Variants in ADGRV1 observed in about 807,000 individuals in gnomAD.
ADGRV1 encodes the protein G-protein coupled receptor 98.
Under a neutral mutation model 596.2 loss-of-function variants are expected in ADGRV1, and 359 were observed. The ratio of observed to expected loss-of-function variants is 0.60; its 90% CI spans 0.55 to 0.66. The LOEUF (loss-of-function observed/expected upper bound fraction) is 0.66. ADGRV1 is among the 30% of genes least tolerant of loss of function. The pLI is 0.00. For missense variants in ADGRV1, 7,274 were observed against 7,575.6 expected, an observed-to-expected ratio of 0.96 and a Z score of 1.48; for synonymous variants, 2,681 against 2,679.2, an observed-to-expected ratio of 1.00 and a Z score of -0.02.
chr5:90,948,158 CT>C (rs1374308657), intron 83 of ADGRV1, among the ~76,000 whole-genome samples: 3 of 152,100 alleles, frequency 2.0e-5, no homozygotes, highest in African/African-American at 7.2e-5. Context: ...AGTTAAGTAA[CT>C]TCCCTGACAT....
intron 75 of ADGRV1, among the ~76,000 whole-genome samples, chr5:90,816,097 A>G (rs1166776319): frequency 6.6e-6 from 1 of 152,204 alleles, no homozygotes; most frequent in Non-Finnish European, 1.5e-5. Flanking sequence ...TAGCATCTTT[A>G]GATGCTCATC....
intron 85 of ADGRV1, among the ~76,000 whole-genome samples, chr5:91,008,979 C>T (rs1782510405): frequency 6.6e-6 from 1 of 152,062 alleles, no homozygotes; most frequent in Non-Finnish European, 1.5e-5. Flanking sequence ...AGAAAAAATT[C>T]ATATTTGTAG....
At chr5:90,742,195 C>A (rs778407954) in intron 50 of ADGRV1, among the ~76,000 whole-genome samples, 1 of 152,148 alleles carries the variant, frequency 6.6e-6, no homozygotes, top group Non-Finnish European at 1.5e-5. Flanking sequence ...TATAATCATA[C>A]ATATAAGTTT....
chr5:90,970,549 A>G (rs2150987850), intron 84 of ADGRV1, among the ~76,000 whole-genome samples: 1 of 147,872 alleles, frequency 6.8e-6, no homozygotes, highest in East Asian at 2.0e-4. Flanking sequence ...TGAGGCAGCA[A>G]CATTTGCTGT....
chr5:90,689,178 T>A (rs1481736922), intron 29 of ADGRV1, among the ~76,000 whole-genome samples: 1 of 152,038 alleles, frequency 6.6e-6, no homozygotes, highest in African/African-American at 2.4e-5. Context: ...ACCAGGCCCA[T>A]CTAATACCTA....
chr5:90,802,623 T>C (rs1761493284), intron 70 of ADGRV1, 116 bp from the exon 71 acceptor site: 1 of 799,126 alleles, frequency 1.3e-6, no homozygotes, highest in Non-Finnish European at 2.0e-6. Flanking sequence ...AGTGCATGTA[T>C]TGATGAAACT....
chr5:90,982,496 A>G lies in ADGRV1; in HGVS notation c.17974-2848A>G, dbSNP rs553552049. Among the ~76,000 whole-genome samples, 6 of 152,356 alleles carry G rather than the reference A, an allele frequency of 3.9e-5. No individual in the cohort carries two copies. The East Asian group carries it at 5.8e-4, about 15-fold the overall frequency. On this transcript the variant is annotated intron_variant, in intron 84 of 89. Coordinates refer to ENST00000405460, the MANE Select transcript of ADGRV1 (RefSeq NM_032119.4). Reference sequence around the variant, plus strand: ...CAAGTTTTGGGTGGAAGAAGAAAGAAAAACTAAGTTAACTAAGTTGAGCTA... The same window carrying G: ...CAAGTTTTGGGTGGAAGAAGAAAGAGAAACTAAGTTAACTAAGTTGAGCTA...
At chr5:90,734,003 G>A (rs1185278431) in intron 50 of ADGRV1, among the ~76,000 whole-genome samples, 1 of 152,126 alleles carries the variant, frequency 6.6e-6, no homozygotes, top group African/African-American at 2.4e-5. Flanking sequence ...TCCGCAACTA[G>A]TGAGATCATG....
intron 25 of ADGRV1, chr5:90,676,796 T>G (rs1454851340): frequency 6.6e-6 from 1 of 152,252 alleles, no homozygotes; most frequent in Non-Finnish European, 1.5e-5. Context: ...CGCTGTAAAA[T>G]CTGGTCCTTT....
At chr5:90,890,488 C>T (rs1169006366) in intron 83 of ADGRV1, among the ~76,000 whole-genome samples, 2 of 152,078 alleles carry the variant, frequency 1.3e-5, no homozygotes, top group East Asian at 3.8e-4. Context: ...AGTCATAAAA[C>T]CCAGTGCTCA....
intron 83 of ADGRV1, among the ~76,000 whole-genome samples, chr5:90,890,509 C>T (rs1042921697): frequency 6.6e-6 from 1 of 152,098 alleles, no homozygotes; most frequent in Non-Finnish European, 1.5e-5. Flanking sequence ...GTTCACCCAC[C>T]TGTTAAATGA....
At chr5:90,954,620 A>G (rs1278223969) in intron 83 of ADGRV1, among the ~76,000 whole-genome samples, 2 of 152,154 alleles carry the variant, frequency 1.3e-5, no homozygotes, top group Non-Finnish European at 2.9e-5. Context: ...AACATTTGAT[A>G]TATTTGTGCA....
intron 21 of ADGRV1, among the ~76,000 whole-genome samples, chr5:90,671,570 G>A (rs770029517): frequency 1.3e-5 from 2 of 152,174 alleles, no homozygotes; most frequent in East Asian, 1.9e-4. Context: ...GACTATTGTC[G>A]GTTTGTAGAC....
intron 21 of ADGRV1, among the ~76,000 whole-genome samples, chr5:90,663,689 T>C (rs1344308577): frequency 6.6e-6 from 1 of 152,230 alleles, no homozygotes; most frequent in East Asian, 1.9e-4. Flanking sequence ...TCCTTGCCCA[T>C]GCCTGTGTCC....
chr5:90,685,703 G>A lies in ADGRV1; in HGVS notation c.6275-77G>A, dbSNP rs974366203. 184 of 910,018 alleles carry A rather than the reference G, an allele frequency of 2.0e-4. 1 individual carries two copies. In the Admixed American group the frequency reaches 3.7e-3, roughly 18 times the overall value. The allele number at this position is 910,018 out of a possible 1,614,324, so 56.4% of individuals were successfully genotyped here. ...TATTTGGCTGATGGAATCTTGCTGA[G>A]GTTTCTTGATGACTTTTGGCCAGTT... On this transcript the variant is annotated intron_variant, in intron 28 of 89. Transcript: ENST00000405460.
chr5:90,879,559 G>T lies in ADGRV1; in HGVS notation c.17856+15702G>T, dbSNP rs566173473. Among the ~76,000 whole-genome samples the T allele has an allele frequency of 1.1e-3, 173 of 151,882 alleles. 2 individuals carry two copies. Among genetic ancestry groups the T allele is most frequent in the African/African-American group, 4.0e-3 (166 of 41,450 alleles). ...ATGACCTTTTCCCATTTCCTTTTGAGTTTCTTAAAATTTCAATTTTCTCCT... is the reference window on the plus strand; with the variant it reads ...ATGACCTTTTCCCATTTCCTTTTGATTTTCTTAAAATTTCAATTTTCTCCT... On this transcript the variant is annotated intron_variant, in intron 83 of 89. Transcript: ENST00000405460.
At position 90,728,951 on chromosome 5, in the gene ADGRV1, T is replaced by A; in HGVS notation, c.10426+18T>A. 6.6e-7 allele frequency: 1 copy of A among 1,512,234 alleles called. No individual in the cohort carries two copies. Among genetic ancestry groups the A allele is most frequent in the Non-Finnish European group, 9.1e-7 (1 of 1,097,752 alleles). The allele number at this position is 1,512,234 out of a possible 1,614,324, so 93.7% of individuals were successfully genotyped here. A position where few individuals can be genotyped will look rare whatever the true frequency, so the allele number is the denominator to read the frequency against. On this transcript the variant is annotated intron_variant, in intron 49 of 89. Coordinates refer to ENST00000405460, the MANE Select transcript of ADGRV1 (RefSeq NM_032119.4). ...CTTTCTAGGTGAGAAGATAAAGTATTTGTAGTGTATATATAATTATTGAAA... is the reference window on the plus strand; with the variant it reads ...CTTTCTAGGTGAGAAGATAAAGTATATGTAGTGTATATATAATTATTGAAA...
intron 29 of ADGRV1, among the ~76,000 whole-genome samples, chr5:90,689,407 A>G (rs1746168140): frequency 6.7e-6 from 1 of 149,142 alleles, no homozygotes; most frequent in African/African-American, 2.5e-5. Flanking sequence ...TCTATGCAAG[A>G]AAGTCTTTTC....
At chr5:91,025,361 C>A (rs1388323647) in intron 85 of ADGRV1, among the ~76,000 whole-genome samples, 3 of 151,280 alleles carry the variant, frequency 2.0e-5, no homozygotes, top group African/African-American at 7.3e-5. Context: ...TAGGCCATGT[C>A]TTATCTAAGC....
Sources: allele counts gnomAD v4.1 joint callset (sites outside exome capture counted in the v4.1 genomes callset), GRCh38; gene constraint gnomAD v4.1.1; transcripts MANE v1.5; gene names NCBI Gene and HGNC (gene_info 2026-07-23, HGNC 2026-07-21).